The following TPP2 variants were observed in gnomAD, a reference collection of about 807,000 sequenced individuals.
The protein encoded by TPP2 is tripeptidyl-peptidase 2.
A neutral mutation model predicts 155.9 loss-of-function variants in TPP2; 34 were observed. The observed-to-expected ratio is 0.22, with a 90% CI of 0.17 to 0.29. The LOEUF is 0.29. TPP2 is among the 10% of genes least tolerant of loss of function. The pLI is 1.00. For missense variants in TPP2, 1,028 were observed against 1,522.3 expected (o/e 0.68, Z 5.40); for synonymous variants, 510 against 529.4 (o/e 0.96, Z 0.50).
Position 102,648,885 on chromosome 13 carries a change from A to G in TPP2, c.2629-22A>G, listed in dbSNP as rs374027212. The G allele has an allele frequency of 1.6e-4, 255 of 1,566,026 alleles. No homozygotes were observed. In the African/African-American group the frequency reaches 3.1e-3, roughly 19 times the overall value. ...GACTTGGTTAAACTTAACTTTTCCCAAATGTTGTTTTTCTTTTTCAGTATT... is the reference window on the plus strand; with the variant it reads ...GACTTGGTTAAACTTAACTTTTCCCGAATGTTGTTTTTCTTTTTCAGTATT... On this transcript the variant is annotated intron_variant, in intron 21 of 29. Transcript: ENST00000376052.
Position 102,597,226 on chromosome 13 carries a change from G to T in TPP2, c.165+23G>T, listed in dbSNP as rs754956019. 4.7e-5 allele frequency: 61 copies of T among 1,298,450 alleles called. No homozygotes were observed. The South Asian group carries it at 1.1e-3, about 23-fold the overall frequency. 80.4% of individuals were successfully genotyped at this position (1,298,450 alleles called of 1,614,324 possible). A position where few individuals can be genotyped will look rare whatever the true frequency, so the allele number is the denominator to read the frequency against. ...CAGGTGAGGCGGCCCCCGAGGGCCC[G>T]GGCGCGGGGGCGCGGGCGGCCGGGG... is the stretch of plus-strand genomic sequence containing the variant. On this transcript the variant is annotated intron_variant, in intron 1 of 29. Transcript: ENST00000376052.
chr13:102,676,163 T>A (rs1034200228), intron 28 of TPP2, 133 bp from the exon 29 acceptor site: 3 of 821,176 alleles, frequency 3.7e-6, no homozygotes, highest in Non-Finnish European at 5.2e-6. Context: ...TCAAAGTTTT[T>A]AAAAATGTAC....
chr13:102,626,899 G>A (rs187046881), intron 6 of TPP2, 113 bp from the exon 7 acceptor site: 4 of 1,135,882 alleles, frequency 3.5e-6, no homozygotes, highest in Non-Finnish European at 1.2e-6. Flanking sequence ...CCATGAACAG[G>A]GTAGCAGAGT....
intron 24 of TPP2, chr13:102,654,907 G>A (rs914621705): frequency 2.1e-6 from 1 of 466,876 alleles, no homozygotes; most frequent in Non-Finnish European, 4.3e-6. Context: ...CCTACCCAGA[G>A]AGTGAACCTC....
Position 102,614,216 on chromosome 13 carries a change from C to T in TPP2, c.390+20C>T, listed in dbSNP as rs752156918. ...ATACAGGTAATGTACAATCTGGTACCAATGAGTTGTATTCTTCTGACTTGT... is the reference window on the plus strand; with the variant it reads ...ATACAGGTAATGTACAATCTGGTACTAATGAGTTGTATTCTTCTGACTTGT... On this transcript the variant is annotated intron_variant, in intron 3 of 29. Transcript: ENST00000376052. The T allele has an allele frequency of 6.4e-7, 1 of 1,553,448 alleles. No homozygotes were observed. The highest frequency in any genetic ancestry group is 1.2e-5 in the South Asian group (1 of 85,452).
chr13:102,652,730 A>C (rs1883600115), intron 24 of TPP2, among the ~76,000 whole-genome samples: 1 of 152,138 alleles, frequency 6.6e-6, no homozygotes, highest in Non-Finnish European at 1.5e-5. Flanking sequence ...TTCTGGAGAA[A>C]GATCTAAAGA....
chr13:102,651,291 C>T, intron 23 of TPP2, 68 bp from the exon 24 acceptor site: 4 of 1,517,390 alleles, frequency 2.6e-6, no homozygotes, highest in Non-Finnish European at 3.6e-6. Flanking sequence ...GACAATTAGA[C>T]AGAGGTTCTG....
intron 27 of TPP2, among the ~76,000 whole-genome samples, chr13:102,666,719 G>A (rs9554886): frequency 0.12 from 17,122 of 140,044 alleles, 1,159 homozygotes; most frequent in East Asian, 0.35. Flanking sequence ...AAACTAATAC[G>A]ATATTAGTTT....
chr13:102,614,093 TTC>T lies in TPP2; in HGVS notation c.295-6_295-5del. On this transcript the variant is annotated splice_region_variant and splice_polypyrimidine_tract_variant and intron_variant, in intron 2 of 29. Coordinates refer to ENST00000376052, the MANE Select transcript of TPP2 (RefSeq NM_001330588.2). Reference sequence around the variant, plus strand: ...TGAATGAACAGGTTACTCTTTTTTTTTCTGTAGATTCCTGCAAGCTGGACAAA... The same window carrying T: ...TGAATGAACAGGTTACTCTTTTTTTTTGTAGATTCCTGCAAGCTGGACAAA... The T allele has an allele frequency of 1.9e-6, 3 of 1,611,414 alleles. No homozygotes were observed. The highest frequency in any genetic ancestry group is 2.5e-6 in the Non-Finnish European group (3 of 1,179,028).
At chr13:102,633,531 T>A (rs1448203919) in intron 10 of TPP2, among the ~76,000 whole-genome samples, 2 of 152,196 alleles carry the variant, frequency 1.3e-5, no homozygotes, top group African/African-American at 4.8e-5. Flanking sequence ...AAATGTTAAT[T>A]TATATGGCCC....
At chr13:102,634,984 T>G (rs1882275149) in intron 11 of TPP2, among the ~76,000 whole-genome samples, 1 of 152,212 alleles carries the variant, frequency 6.6e-6, no homozygotes, top group South Asian at 2.1e-4. Context: ...CATCAATGTT[T>G]ATGTGTTTAA....
In TPP2 at chr13:102,674,279, A is replaced by G. The variant is rs1566377631; in HGVS notation, c.3372-4A>G. On this transcript the variant is annotated splice_region_variant and splice_polypyrimidine_tract_variant and intron_variant, in intron 27 of 29. Coordinates refer to ENST00000376052, the MANE Select transcript of TPP2 (RefSeq NM_001330588.2). ...TCTGAAATATTTTTTAATTTGCTGTACAGTGACATGGACAAACAAAAATCC... is the reference window on the plus strand; with the variant it reads ...TCTGAAATATTTTTTAATTTGCTGTGCAGTGACATGGACAAACAAAAATCC... 2 of 1,613,160 alleles carry G rather than the reference A, an allele frequency of 1.2e-6. No individual in the cohort carries two copies. The highest frequency in any genetic ancestry group is 1.1e-5 in the South Asian group (1 of 90,994).
rs754549561 is a variant in TPP2 at position 102,614,167 on chromosome 13, T to C, written c.361T>C (p.Tyr121His). Reference protein sequence around the residue: ...HIGIKNGYDFYPKALKERIQK... With the variant: ...HIGIKNGYDFHPKALKERIQK... ...TGGCATAAAAAATGGCTATGACTTC[T>C]ATCCTAAGGCACTCAAGGAAAGGAT... The change falls in exon 3 of 30, where the codon TAT (tyrosine) becomes CAT (histidine). Residue 121 changes from tyrosine to histidine, a missense_variant. Physicochemically the swap from Tyr to His is moderately conservative, Grantham distance 83. Coordinates refer to ENST00000376052, the MANE Select transcript of TPP2 (RefSeq NM_001330588.2). 6.2e-7 allele frequency: 1 copy of C among 1,613,592 alleles called. No homozygotes were observed. The highest frequency in any genetic ancestry group is 2.2e-5 in the East Asian group (1 of 44,804).
At chr13:102,616,286 G>A (rs1368876128) in intron 3 of TPP2, 110 bp from the exon 4 acceptor site, 4 of 831,544 alleles carry the variant, frequency 4.8e-6, no homozygotes, top group Non-Finnish European at 7.4e-6. Context: ...CTCTCTATGA[G>A]AATTGTGTAG....
At position 102,627,024 on chromosome 13, in the gene TPP2, C is replaced by T; in HGVS notation, c.797C>T (p.Thr266Ile). Residue 266 changes from threonine to isoleucine, a missense_variant, in exon 7 of 30, where the codon ACA becomes ATA. Physicochemically the swap from Thr to Ile is moderately conservative, Grantham distance 89 (BLOSUM62 -1). Around this residue, in one of 7 missense-constraint regions of TPP2, gnomAD observed 300 missense variants for 398.3 expected, o/e 0.75. Transcript: ENST00000376052. Reference protein sequence around the residue: ...SIVTSGGAHGTHVASIAAGHF... With the variant: ...SIVTSGGAHGIHVASIAAGHF... ...TTTGTGTCTCTAGGAGCTCATGGGA[C>T]ACATGTAGCTAGTATAGCTGCTGGA... 1 of 1,576,518 alleles carries T rather than the reference C, an allele frequency of 6.3e-7. No individual in the cohort carries two copies. Among genetic ancestry groups the T allele is most frequent in the Non-Finnish European group, 8.6e-7 (1 of 1,163,696 alleles).
intron 6 of TPP2, among the ~76,000 whole-genome samples, chr13:102,623,355 G>C (rs112288369): frequency 6.6e-6 from 1 of 152,234 alleles, no homozygotes; most frequent in African/African-American, 2.4e-5. Context: ...CCTGAGGCTG[G>C]GAGTTTGAGA....
intron 24 of TPP2, among the ~76,000 whole-genome samples, chr13:102,655,828 C>T (rs1883824016): frequency 6.6e-6 from 1 of 151,974 alleles, no homozygotes; most frequent in Non-Finnish European, 1.5e-5. Context: ...GCTAAATGGG[C>T]AGTTGATCAT....
chr13:102,614,858 T>C (rs1880600138), intron 3 of TPP2, among the ~76,000 whole-genome samples: 1 of 152,144 alleles, frequency 6.6e-6, no homozygotes, highest in African/African-American at 2.4e-5. Flanking sequence ...GAATTTGAAA[T>C]ATGTTTAGTG....
chr13:102,649,378 C>T (rs964092275), intron 22 of TPP2, 30 bp from the exon 23 acceptor site: 3 of 1,584,024 alleles, frequency 1.9e-6, no homozygotes, highest in East Asian at 2.2e-5. Context: ...TCTTTTGTTG[C>T]TTTTTTTCTC....
Sources: gnomAD v4.1 joint callset for allele counts (sites outside exome capture counted in the v4.1 genomes callset) on GRCh38, gnomAD v4.1.1 for gene constraint, gnomAD v4.1.1 regional missense constraint, MANE v1.5 for transcripts, NCBI Gene and HGNC (gene_info 2026-07-23, HGNC 2026-07-21) for gene names.